AGBL4: variants seen among roughly 807,000 people sequenced by gnomAD.
AGBL4 encodes cytosolic carboxypeptidase 6.
A neutral mutation model predicts 66.4 loss-of-function variants in AGBL4; 58 were observed. That is an observed-to-expected ratio of 0.87 (90% CI 0.71 to 1.09). The LOEUF (loss-of-function observed/expected upper bound fraction) is 1.09, where lower values mean the gene tolerates loss of function less well. Ranked by LOEUF, AGBL4 falls within the 50% of genes least tolerant of loss-of-function variation. The pLI is 0.00. For synonymous variants in AGBL4, 234 were observed against 222.9 expected (o/e 1.05, Z -0.44); for missense variants, 579 against 631.0 (o/e 0.92, Z 0.88).
At chr1:49,919,876 G>T (rs1469989988) in intron 1 of AGBL4, among the ~76,000 whole-genome samples, 1 of 152,136 alleles carries the variant, frequency 6.6e-6, no homozygotes, top group African/African-American at 2.4e-5. Context: ...GCATGGTAGT[G>T]GTACCAAAAC....
intron 5 of AGBL4, among the ~76,000 whole-genome samples, chr1:48,943,470 T>A (rs1438906804): frequency 6.6e-6 from 1 of 152,344 alleles, no homozygotes; most frequent in African/African-American, 2.4e-5. Context: ...TTCAGTTACA[T>A]AATGAAGCAA....
At chr1:49,676,268 T>G (rs1413724104) in intron 3 of AGBL4, among the ~76,000 whole-genome samples, 1 of 152,066 alleles carries the variant, frequency 6.6e-6, no homozygotes, top group African/African-American at 2.4e-5. Flanking sequence ...AGTGTTATTT[T>G]CATTCTCAAG....
intron 3 of AGBL4, among the ~76,000 whole-genome samples, chr1:49,678,306 T>C (rs1646620269): frequency 6.6e-6 from 1 of 152,148 alleles, no homozygotes; most frequent in Admixed American, 6.6e-5. Context: ...TATGGTGGTA[T>C]CTCCTATTTC....
intron 4 of AGBL4, among the ~76,000 whole-genome samples, chr1:49,124,464 A>G (rs527751258): frequency 1.3e-5 from 2 of 152,316 alleles, no homozygotes; most frequent in South Asian, 4.1e-4. Context: ...CCACACGAGC[A>G]TGCTACATTT....
chr1:49,794,857 C>T (rs182977122), intron 2 of AGBL4, among the ~76,000 whole-genome samples: 136 of 152,062 alleles, frequency 8.9e-4, no homozygotes, highest in African/African-American at 3.2e-3. Flanking sequence ...TTAATTCACT[C>T]ATGGCTATTT....
At chr1:49,482,393 A>G (rs886991816) in intron 3 of AGBL4, among the ~76,000 whole-genome samples, 1 of 150,836 alleles carries the variant, frequency 6.6e-6, no homozygotes, top group Non-Finnish European at 1.5e-5. Context: ...GGATTTATCC[A>G]TTTTTTTTCT....
rs1557608947 is a variant in AGBL4 at position 49,948,215 on chromosome 1, T to TATAA, written c.34+75547_34+75548insTTAT. ...ATATATATAAATATAAATATATAAA[T>TATAA]ATATATAAATATATATAAATATATA... is the stretch of plus-strand genomic sequence containing the variant. On this transcript the variant is annotated intron_variant, in intron 1 of 13. Transcript: ENST00000371839. 5.9e-3 allele frequency among the ~76,000 whole-genome samples: 386 copies of TATAA among 65,434 alleles called. 5 individuals carry two copies. The highest frequency in any genetic ancestry group is 0.017 in the Middle Eastern group (1 of 58). The allele number at this position is 65,434 out of a possible 152,430, so 42.9% of individuals were successfully genotyped here.
intron 5 of AGBL4, among the ~76,000 whole-genome samples, chr1:48,872,034 C>G (rs1648728206): frequency 6.6e-6 from 1 of 152,132 alleles, no homozygotes; most frequent in Non-Finnish European, 1.5e-5. Flanking sequence ...TTATGAAAAT[C>G]ACACATGCTG....
At chr1:49,046,502 A>C (rs1644084095) in intron 4 of AGBL4, among the ~76,000 whole-genome samples, 1 of 152,212 alleles carries the variant, frequency 6.6e-6, no homozygotes, top group African/African-American at 2.4e-5. Flanking sequence ...AATTTTGCTA[A>C]GCTAAACACT....
chr1:48,582,650 C>A (rs906362028), intron 11 of AGBL4, among the ~76,000 whole-genome samples: 2 of 152,210 alleles, frequency 1.3e-5, no homozygotes, highest in African/African-American at 4.8e-5. Context: ...AGATGCCAGG[C>A]AGTACCAGGA....
chr1:49,914,111 C>T (rs1340036514), intron 1 of AGBL4, among the ~76,000 whole-genome samples: 1 of 152,182 alleles, frequency 6.6e-6, no homozygotes, highest in Non-Finnish European at 1.5e-5. Context: ...GTTTCACTCT[C>T]CTAAAGACTC....
intron 6 of AGBL4, among the ~76,000 whole-genome samples, chr1:48,666,075 G>A (rs1375033398): frequency 2.0e-5 from 3 of 152,210 alleles, no homozygotes; most frequent in Non-Finnish European, 4.4e-5. Flanking sequence ...GTTGATGCAG[G>A]CAGGTAACAA....
intron 4 of AGBL4, among the ~76,000 whole-genome samples, chr1:49,110,949 C>T (rs1027154862): frequency 1.3e-5 from 2 of 151,984 alleles, no homozygotes; most frequent in Non-Finnish European, 2.9e-5. Flanking sequence ...CCATAGAAGC[C>T]AATGTATTTT....
At chr1:49,592,853 G>T (rs1365626435) in intron 3 of AGBL4, among the ~76,000 whole-genome samples, 1 of 152,110 alleles carries the variant, frequency 6.6e-6, no homozygotes, top group Non-Finnish European at 1.5e-5. Flanking sequence ...ACTCAAAACA[G>T]AACTACCCTT....
At chr1:49,164,511 T>C (rs938904537) in intron 4 of AGBL4, among the ~76,000 whole-genome samples, 1 of 152,074 alleles carries the variant, frequency 6.6e-6, no homozygotes, top group Non-Finnish European at 1.5e-5. Flanking sequence ...AGATAGGGTA[T>C]GATAAGTGAC....
At chr1:48,880,924 T>C (rs1649723685) in intron 5 of AGBL4, among the ~76,000 whole-genome samples, 1 of 152,252 alleles carries the variant, frequency 6.6e-6, no homozygotes, top group South Asian at 2.1e-4. Context: ...ATCGTGAATG[T>C]TATTTTAATT....
intron 3 of AGBL4, among the ~76,000 whole-genome samples, chr1:49,600,763 A>G (rs558296349): frequency 2.0e-4 from 31 of 152,074 alleles, no homozygotes; most frequent in Non-Finnish European, 4.0e-4. Context: ...GTTCCTTTAC[A>G]TGTTTAGTGC....
chr1:49,096,080 A>G (rs1404598630), intron 4 of AGBL4, among the ~76,000 whole-genome samples: 1 of 151,952 alleles, frequency 6.6e-6, no homozygotes, highest in Non-Finnish European at 1.5e-5. Flanking sequence ...CAACAGACAC[A>G]TGAAAAAATG....
chr1:48,691,193 A>G (rs899302302), intron 6 of AGBL4, among the ~76,000 whole-genome samples: 16 of 149,448 alleles, frequency 1.1e-4, no homozygotes, highest in African/African-American at 3.9e-4. Context: ...ATGTGTGTAT[A>G]TATATATATT....
Sources: gnomAD v4.1 joint callset for allele counts (sites outside exome capture counted in the v4.1 genomes callset) on GRCh38, gnomAD v4.1.1 for gene constraint, MANE v1.5 for transcripts, NCBI Gene and HGNC (gene_info 2026-07-23, HGNC 2026-07-21) for gene names.